Variants in KLHL29 observed in about 807,000 individuals in gnomAD.
The protein encoded by KLHL29 is kelch like family member 29, also known as kelch-like protein 29.
In KLHL29, 21 loss-of-function variants were observed where a neutral mutation model predicts 80.4. The observed-to-expected ratio is 0.26, with a 90% CI of 0.19 to 0.38. The LOEUF is 0.38. KLHL29 is among the 10% of genes least tolerant of loss of function. KLHL29 has a pLI of 1.00. For synonymous variants in KLHL29, 511 were observed against 526.8 expected (o/e 0.97, Z 0.41); for missense variants, 867 against 1,223.9 (o/e 0.71, Z 4.35).
intron 6 of KLHL29, among the ~76,000 whole-genome samples, chr2:23,686,605 TC>T: frequency 6.6e-6 from 1 of 151,872 alleles, no homozygotes; most frequent in East Asian, 1.9e-4. Context: ...GTCACGGGCA[TC>T]AGAGGTCACA....
chr2:23,599,284 T>C (rs1668508259), intron 3 of KLHL29, among the ~76,000 whole-genome samples: 1 of 152,088 alleles, frequency 6.6e-6, no homozygotes, highest in South Asian at 2.1e-4. Flanking sequence ...ATTTATCAAG[T>C]AGGGAAAGTA....
At chr2:23,685,871 G>C (rs141988464) in intron 6 of KLHL29, among the ~76,000 whole-genome samples, 1,619 of 152,290 alleles carry the variant, frequency 0.011, 14 homozygotes, top group Middle Eastern at 0.031. Context: ...ATGGATGAGC[G>C]TCCTAGGGTC....
intron 3 of KLHL29, among the ~76,000 whole-genome samples, chr2:23,633,524 A>G (rs956133052): frequency 6.6e-6 from 1 of 151,608 alleles, no homozygotes; most frequent in Non-Finnish European, 1.5e-5. Context: ...GTTAAATGAC[A>G]CATTTTATAA....
chr2:23,654,013 A>C (rs977935198), intron 5 of KLHL29, among the ~76,000 whole-genome samples: 19 of 152,040 alleles, frequency 1.2e-4, no homozygotes, highest in African/African-American at 4.6e-4. Context: ...CTAAAAATAC[A>C]AAAATTAGCC....
rs114243801 is a variant in KLHL29 at position 23,628,242 on chromosome 2, G to A, written c.286-10897G>A. ...AGGAATCTTAATGAGCATGTTAAGC[G>A]ACTATTGAGGAAGGTCACAAAGGGA... is the stretch of plus-strand genomic sequence containing the variant. On this transcript the variant is annotated intron_variant, in intron 3 of 13. Transcript: ENST00000486442. Among the ~76,000 whole-genome samples, 781 of 152,284 alleles carry A rather than the reference G, an allele frequency of 5.1e-3. 8 individuals are homozygous for A. Among genetic ancestry groups the A allele is most frequent in the African/African-American group, 0.018 (756 of 41,564 alleles).
At chr2:23,627,705 G>A (rs477284) in intron 3 of KLHL29, among the ~76,000 whole-genome samples, 121,794 of 151,992 alleles carry the variant, frequency 0.8, 49,091 homozygotes, top group East Asian at 1. Flanking sequence ...TAATAAGGTC[G>A]CTGAGGATGT....
intron 5 of KLHL29, among the ~76,000 whole-genome samples, chr2:23,651,380 C>G (rs562378688): frequency 1.3e-5 from 2 of 152,106 alleles, no homozygotes; most frequent in African/African-American, 4.8e-5. Context: ...CCTCTCACTA[C>G]CTTGCCCTCC....
At chr2:23,584,933 C>T (rs1017303052) in intron 3 of KLHL29, among the ~76,000 whole-genome samples, 8 of 152,266 alleles carry the variant, frequency 5.3e-5, no homozygotes, top group East Asian at 3.9e-4. Context: ...GAAGGGGTTT[C>T]GCCATGTTGG....
At chr2:23,673,675 TACAC>T (rs1670839471) in intron 5 of KLHL29, among the ~76,000 whole-genome samples, 1 of 141,658 alleles carries the variant, frequency 7.1e-6, no homozygotes, top group Non-Finnish European at 1.5e-5. Flanking sequence ...CAGGGGTGCA[TACAC>T]ACACCCATGC....
At position 23,684,640 on chromosome 2, in the gene KLHL29, T is replaced by A; in HGVS notation, c.1079+103T>A. On this transcript the variant is annotated intron_variant, in intron 6 of 13. Transcript: ENST00000486442. This position sits in a 1 kb window ranked among gnomAD's most constrained non-coding sequence, Gnocchi z 4.4. ...TGCAGGTTCCTGAAGCGTGACTCCCTGTCACAGAGCCAGTAGCCATCTCTC... is the reference window on the plus strand; with the variant it reads ...TGCAGGTTCCTGAAGCGTGACTCCCAGTCACAGAGCCAGTAGCCATCTCTC... The A allele has an allele frequency of 9.8e-7, 1 of 1,017,360 alleles. No homozygotes were observed. The highest frequency in any genetic ancestry group is 1.4e-6 in the Non-Finnish European group (1 of 720,208). 63.0% of individuals were successfully genotyped at this position (1,017,360 alleles called of 1,614,324 possible).
intron 3 of KLHL29, among the ~76,000 whole-genome samples, chr2:23,582,657 A>G (rs1254715464): frequency 6.6e-6 from 1 of 152,148 alleles, no homozygotes; most frequent in African/African-American, 2.4e-5. Flanking sequence ...ACTTGCTACA[A>G]TTTCCCAGTT....
At chr2:23,673,183 A>G (rs1410857511) in intron 5 of KLHL29, among the ~76,000 whole-genome samples, 5 of 151,482 alleles carry the variant, frequency 3.3e-5, no homozygotes, top group Non-Finnish European at 7.4e-5. Context: ...ACACGCACCC[A>G]TGCCACATGC....
At chr2:23,448,152 G>A (rs187332488) in intron 1 of KLHL29, among the ~76,000 whole-genome samples, 13 of 152,172 alleles carry the variant, frequency 8.5e-5, no homozygotes, top group Admixed American at 5.9e-4. Context: ...TCCACAGGAC[G>A]TGTGAGAAGA....
chr2:23,587,601 G>A (rs1367623916), intron 3 of KLHL29, among the ~76,000 whole-genome samples: 1 of 152,224 alleles, frequency 6.6e-6, no homozygotes, highest in Non-Finnish European at 1.5e-5. Context: ...CAGTTGCAGT[G>A]TTAACAGTCA....
At chr2:23,473,136 G>A (rs1664543297) in intron 1 of KLHL29, among the ~76,000 whole-genome samples, 1 of 152,194 alleles carries the variant, frequency 6.6e-6, no homozygotes, top group Non-Finnish European at 1.5e-5. Flanking sequence ...ATGACCTGCA[G>A]GTGAGGGACA....
intron 1 of KLHL29, among the ~76,000 whole-genome samples, chr2:23,405,300 A>C (rs929432960): frequency 6.6e-6 from 1 of 152,188 alleles, no homozygotes; most frequent in Non-Finnish European, 1.5e-5. Flanking sequence ...ACCATGAAAC[A>C]TGATGGAAAC....
chr2:23,422,954 C>T (rs910984024), intron 1 of KLHL29, among the ~76,000 whole-genome samples: 1 of 152,248 alleles, frequency 6.6e-6, no homozygotes, highest in Admixed American at 6.5e-5. Flanking sequence ...GGTGAAATGC[C>T]AGCAAGCCAT....
chr2:23,402,762 G>T (rs966934284), intron 1 of KLHL29, among the ~76,000 whole-genome samples: 9 of 152,292 alleles, frequency 5.9e-5, no homozygotes, highest in Middle Eastern at 3.4e-3. Flanking sequence ...TTTCTTCAGT[G>T]ATTTCACTGT....
chr2:23,404,711 G>A (rs962395307), intron 1 of KLHL29, among the ~76,000 whole-genome samples: 1 of 152,214 alleles, frequency 6.6e-6, no homozygotes, highest in Non-Finnish European at 1.5e-5. Context: ...CACTTAATAC[G>A]TCCTGCCGAG....
Sources: allele counts gnomAD v4.1 joint callset (sites outside exome capture counted in the v4.1 genomes callset), GRCh38; gene constraint gnomAD v4.1.1; non-coding constraint Gnocchi (gnomAD v3.1); transcripts MANE v1.5; gene names NCBI Gene and HGNC (gene_info 2026-07-23, HGNC 2026-07-21).